FUT8: variants seen among roughly 807,000 people sequenced by gnomAD.
The protein encoded by FUT8 is alpha-(1,6)-fucosyltransferase.
FUT8 carries 29 observed loss-of-function variants against 71.3 expected under a neutral mutation model. That is an observed-to-expected ratio of 0.41 (90% CI 0.30 to 0.55). The LOEUF (loss-of-function observed/expected upper bound fraction) is 0.55, where lower values mean the gene tolerates loss of function less well. FUT8 is among the 20% of genes least tolerant of loss of function. The probability of loss-of-function intolerance (pLI) is 0.34; values close to 1 mark genes in which losing one functional copy is unlikely to be tolerated. For synonymous variants in FUT8, 254 were observed against 239.3 expected, an observed-to-expected ratio of 1.06 and a Z score of -0.57; for missense variants, 544 against 702.1, an observed-to-expected ratio of 0.77 and a Z score of 2.55.
intron 3 of FUT8, 99 bp from the exon 4 acceptor site, chr14:65,615,879 A>G (rs1326348330): frequency 1.3e-6 from 1 of 798,954 alleles, no homozygotes; most frequent in Non-Finnish European, 2.0e-6. Context: ...TGGTTCAACA[A>G]CTTATGGAGT....
chr14:65,669,319 A>C lies in FUT8; in HGVS notation c.674A>C (p.His225Pro). The change falls in exon 7 of 11, where the codon CAT becomes CCT. Residue 225 changes from histidine (H) to proline (P), a missense_variant. His to Pro is a moderately conservative substitution (Grantham distance 77). Transcript: ENST00000673929. The surrounding 1 kb of genome is among the most constrained non-coding windows in gnomAD (Gnocchi z 4.5). ...NKGCGYGCQL[H>P]HVVYCFMIAY... The stretch of plus-strand genomic sequence containing the variant: ...GGCTGTGGCTATGGCTGTCAGCTCC[A>C]TCATGTGGTCTACTGCTTCATGATT... 6.2e-7 allele frequency: 1 copy of C among 1,613,942 alleles called. No individual in the cohort carries two copies. Among genetic ancestry groups the C allele is most frequent in the Non-Finnish European group, 8.5e-7 (1 of 1,179,894 alleles).
intron 8 of FUT8, among the ~76,000 whole-genome samples, chr14:65,723,943 G>T (rs182908833): frequency 6.6e-6 from 1 of 152,028 alleles, no homozygotes; most frequent in Non-Finnish European, 1.5e-5. Context: ...AATTCCCCTT[G>T]TATTGTTTAG....
chr14:65,486,131 C>T (rs1277660411), intron 2 of FUT8, among the ~76,000 whole-genome samples: 3 of 152,002 alleles, frequency 2.0e-5, no homozygotes, highest in Non-Finnish European at 4.4e-5. Context: ...ATTACAATTT[C>T]TTTATGTTTT....
chr14:65,691,601 A>C lies in FUT8; in HGVS notation c.835+22121A>C, dbSNP rs142258511. ...AATTGGTCATAGTGTATAATTCTTTATTTATTTATTTATTTATTTATTGAT... is the reference window on the plus strand; with the variant it reads ...AATTGGTCATAGTGTATAATTCTTTCTTTATTTATTTATTTATTTATTGAT... On this transcript the variant is annotated intron_variant, in intron 7 of 10. Transcript: ENST00000673929. Among the ~76,000 whole-genome samples the C allele has an allele frequency of 3.3e-3, 503 of 151,894 alleles. 2 individuals are homozygous for C. The highest frequency in any genetic ancestry group is 7.1e-3 in the African/African-American group (295 of 41,360).
chr14:65,559,196 G>GT (rs144972918), intron 2 of FUT8, among the ~76,000 whole-genome samples: 1,585 of 152,096 alleles, frequency 0.01, 29 homozygotes, highest in African/African-American at 0.037. Flanking sequence ...TGCTTTGGTT[G>GT]TTTATCTCAG....
At chr14:65,686,232 G>A (rs1041357803) in intron 7 of FUT8, among the ~76,000 whole-genome samples, 2 of 152,156 alleles carry the variant, frequency 1.3e-5, no homozygotes, top group African/African-American at 4.8e-5. Flanking sequence ...TTTGGCAGCT[G>A]GCTTTATTTA....
chr14:65,410,839 G>C (rs2065115556), upstream of FUT8: 1 of 151,640 alleles, frequency 6.6e-6, no homozygotes, highest in South Asian at 2.1e-4. Context: ...AGTGGCTACT[G>C]ACAGGCACGA....
chr14:65,675,908 A>C (rs1892693457), intron 7 of FUT8, among the ~76,000 whole-genome samples: 1 of 152,048 alleles, frequency 6.6e-6, no homozygotes, highest in Admixed American at 6.5e-5. Flanking sequence ...GAGAGGGAAG[A>C]ATCACTTGAA....
At position 65,673,313 on chromosome 14, in the gene FUT8, A is replaced by G. The variant is rs1484665352; in HGVS notation, c.835+3833A>G. On this transcript the variant is annotated intron_variant, in intron 7 of 10. Transcript: ENST00000673929. ...GCAACCTTGAAATAAAAGTAATTCA[A>G]TTAAAGTATTTGCTATTTGCTAGAT... Among the ~76,000 whole-genome samples the G allele has an allele frequency of 2.0e-5, 3 of 152,340 alleles. No individual in the cohort carries two copies. In the East Asian group the frequency reaches 5.8e-4, roughly 29 times the overall value.
chr14:65,436,225 C>A (rs1384116720), intron 1 of FUT8, among the ~76,000 whole-genome samples: 1 of 151,856 alleles, frequency 6.6e-6, no homozygotes, highest in Non-Finnish European at 1.5e-5. Context: ...AGGAGAATCG[C>A]TTGAGCCCAG....
At chr14:65,576,555 G>T (rs1267489543) in intron 3 of FUT8, among the ~76,000 whole-genome samples, 6 of 151,712 alleles carry the variant, frequency 4.0e-5, no homozygotes, top group Non-Finnish European at 5.9e-5. Flanking sequence ...CCAAGACAGG[G>T]TCTTGCTCTG....
At chr14:65,440,127 C>A (rs2065631698) in intron 1 of FUT8, among the ~76,000 whole-genome samples, 1 of 151,382 alleles carries the variant, frequency 6.6e-6, no homozygotes. Flanking sequence ...ACTGCGTGGT[C>A]TCACTTATAT....
At chr14:65,519,988 A>G (rs903058874) in intron 2 of FUT8, among the ~76,000 whole-genome samples, 17 of 152,112 alleles carry the variant, frequency 1.1e-4, no homozygotes, top group Admixed American at 1.0e-3. Flanking sequence ...CGTGTTGCCC[A>G]GGCTGGTCTC....
At chr14:65,505,264 G>A (rs1213621849) in intron 2 of FUT8, among the ~76,000 whole-genome samples, 1 of 145,300 alleles carries the variant, frequency 6.9e-6, no homozygotes, top group Non-Finnish European at 1.5e-5. Context: ...AGTTTTGTTG[G>A]TTATTACTTT....
At chr14:65,586,762 A>G (rs1887407552) in intron 3 of FUT8, among the ~76,000 whole-genome samples, 1 of 152,264 alleles carries the variant, frequency 6.6e-6, no homozygotes, top group South Asian at 2.1e-4. Flanking sequence ...GCTTCTATCA[A>G]ATAAAAGTAA....
At chr14:65,684,840 G>T (rs1202275186) in intron 7 of FUT8, among the ~76,000 whole-genome samples, 1 of 152,154 alleles carries the variant, frequency 6.6e-6, no homozygotes, top group Non-Finnish European at 1.5e-5. Flanking sequence ...GTGAAACTGT[G>T]AGTCAATTAA....
intron 2 of FUT8, among the ~76,000 whole-genome samples, chr14:65,501,994 C>A (rs2066652592): frequency 6.6e-6 from 1 of 151,452 alleles, no homozygotes; most frequent in Admixed American, 6.6e-5. Flanking sequence ...CTCTGTAGTC[C>A]CGAGCTCCCA....
chr14:65,713,431 T>C (rs1191929178), intron 7 of FUT8, among the ~76,000 whole-genome samples: 1 of 152,224 alleles, frequency 6.6e-6, no homozygotes, highest in Non-Finnish European at 1.5e-5. Context: ...GTGGGATTGC[T>C]GGATCATATG....
the FUT8 span, among the ~76,000 whole-genome samples, chr14:65,357,628 A>G: frequency 6.6e-6 from 1 of 152,214 alleles, no homozygotes; most frequent in East Asian, 1.9e-4. Flanking sequence ...GATGTGACCT[A>G]TTTTACAGCC....
Sources: gnomAD v4.1 joint callset for allele counts (sites outside exome capture counted in the v4.1 genomes callset) on GRCh38, gnomAD v4.1.1 for gene constraint, Gnocchi (gnomAD v3.1) non-coding constraint, MANE v1.5 for transcripts, NCBI Gene and HGNC (gene_info 2026-07-23, HGNC 2026-07-21) for gene names.